APP: variants seen among roughly 807,000 people sequenced by gnomAD.
APP encodes amyloid-beta precursor protein.
In APP, 31 loss-of-function variants were observed where a neutral mutation model predicts 101.4. The observed-to-expected ratio is 0.31, with a 90% confidence interval of 0.23 to 0.41. APP has a LOEUF of 0.41. Ranked by LOEUF, APP falls within the 10% of genes least tolerant of loss-of-function variation. APP has a pLI of 1.00. For missense variants in APP, 839 were observed against 1,003.7 expected (o/e 0.84, Z 2.22); for synonymous variants, 366 against 364.4 (o/e 1.00, Z -0.05).
chr21:26,117,385 A>G (rs2062458387), intron 1 of APP, among the ~76,000 whole-genome samples: 2 of 152,268 alleles, frequency 1.3e-5, no homozygotes, highest in Admixed American at 1.3e-4. Flanking sequence ...TTTCAGGGGA[A>G]TAATTCATCT....
intron 13 of APP, among the ~76,000 whole-genome samples, chr21:25,914,900 G>C (rs1041776472): frequency 6.6e-6 from 1 of 152,108 alleles, no homozygotes; most frequent in African/African-American, 2.4e-5. Flanking sequence ...TCTATTGTTT[G>C]TTTATAAATT....
At chr21:25,989,900 T>C (rs2042790235) in intron 8 of APP, among the ~76,000 whole-genome samples, 1 of 146,766 alleles carries the variant, frequency 6.8e-6, no homozygotes, top group Non-Finnish European at 1.5e-5. Flanking sequence ...ATGCTTATTA[T>C]AACTTAAAAA....
intron 2 of APP, among the ~76,000 whole-genome samples, chr21:26,106,611 C>A (rs531196899): frequency 1.3e-5 from 2 of 152,238 alleles, no homozygotes; most frequent in African/African-American, 4.8e-5. Context: ...CAAAGCGCTG[C>A]GACTACAGGT....
chr21:26,115,431 CA>C (rs2146215713), intron 1 of APP, among the ~76,000 whole-genome samples: 1 of 152,296 alleles, frequency 6.6e-6, no homozygotes, highest in South Asian at 2.1e-4. Flanking sequence ...CATCTGCAAA[CA>C]ATTCCATGCT....
chr21:25,898,130 T>C (rs1218747845), intron 15 of APP: 2 of 184,464 alleles, frequency 1.1e-5, no homozygotes, highest in East Asian at 1.5e-4. Context: ...AACTGCTACT[T>C]TGGGGCTTTG....
chr21:26,153,725 A>G (rs2063323205), intron 1 of APP, among the ~76,000 whole-genome samples: 1 of 152,260 alleles, frequency 6.6e-6, no homozygotes, highest in Admixed American at 6.5e-5. Flanking sequence ...AACACAGGGC[A>G]TGCTTAACTT....
At chr21:26,064,605 G>T (rs1189494355) in intron 3 of APP, among the ~76,000 whole-genome samples, 2 of 152,054 alleles carry the variant, frequency 1.3e-5, no homozygotes, top group Non-Finnish European at 2.9e-5. Context: ...AGTGGTGGTG[G>T]GTTGGACAGA....
At chr21:26,146,082 C>T (rs144574380) in intron 1 of APP, among the ~76,000 whole-genome samples, 65 of 152,352 alleles carry the variant, frequency 4.3e-4, no homozygotes, top group African/African-American at 1.5e-3. Context: ...GTACCAGCTG[C>T]ATGCAGCGGC....
intron 13 of APP, among the ~76,000 whole-genome samples, chr21:25,918,332 G>A (rs1305102751): frequency 6.6e-6 from 1 of 152,210 alleles, no homozygotes; most frequent in African/African-American, 2.4e-5. Context: ...TATACACCAT[G>A]GAATACTATG....
At chr21:25,963,420 G>C (rs1375883653) in intron 11 of APP, among the ~76,000 whole-genome samples, 1 of 152,196 alleles carries the variant, frequency 6.6e-6, no homozygotes, top group African/African-American at 2.4e-5. Flanking sequence ...ATGGAAGGCA[G>C]TGAAGTGTCA....
chr21:25,886,316 C>G (rs1391228654), intron 17 of APP, among the ~76,000 whole-genome samples: 1 of 152,066 alleles, frequency 6.6e-6, no homozygotes, highest in African/African-American at 2.4e-5. Flanking sequence ...TTATATATAA[C>G]TAGAAGGCAG....
chr21:25,908,988 G>T lies in APP; in HGVS notation c.1909+2753C>A, dbSNP rs564893349. Among the ~76,000 whole-genome samples, 7 of 152,276 alleles carry T rather than the reference G, an allele frequency of 4.6e-5. No individual in the cohort carries two copies. The East Asian group carries it at 1.4e-3, about 29-fold the overall frequency. On this transcript the variant is annotated intron_variant, in intron 14 of 17. Coordinates refer to ENST00000346798, the MANE Select transcript of APP (RefSeq NM_000484.4). ...TTATTTAAAAACCAATTGGGGCCGG[G>T]CGCCGTGGCTCATGCCTGTAATCCC...
chr21:25,924,466 C>A (rs4817070), intron 13 of APP, among the ~76,000 whole-genome samples: 118,358 of 118,362 alleles, frequency 1, 59,177 homozygotes, highest in Middle Eastern at 1. Context: ...CTTTGCAGGG[C>A]CATGGATGAA....
chr21:26,099,213 G>C (rs1173504740), intron 2 of APP, among the ~76,000 whole-genome samples: 5 of 149,676 alleles, frequency 3.3e-5, no homozygotes, highest in African/African-American at 1.2e-4. Context: ...CATGACTGCA[G>C]CTAGCATATA....
rs1017311415 is a variant in APP at position 25,893,169 on chromosome 21, C to T, written c.2065-1301G>A. On this transcript the variant is annotated intron_variant, in intron 16 of 17. Transcript: ENST00000346798. Reference sequence around the variant, plus strand: ...TGTTTTGGAGTGTCATGAAACATGCCCATAAAGACAGCAAACTAAATCAAT... The same window carrying T: ...TGTTTTGGAGTGTCATGAAACATGCTCATAAAGACAGCAAACTAAATCAAT... Among the ~76,000 whole-genome samples the T allele has an allele frequency of 2.0e-5, 3 of 151,944 alleles. No individual in the cohort carries two copies. In the East Asian group the frequency reaches 5.8e-4, roughly 29 times the overall value.
intron 17 of APP, among the ~76,000 whole-genome samples, chr21:25,885,298 A>G (rs1171518209): frequency 6.6e-6 from 1 of 152,248 alleles, no homozygotes; most frequent in African/African-American, 2.4e-5. Flanking sequence ...CTCATGGCTA[A>G]GCTACAGCAG....
chr21:26,032,258 G>C (rs1302578678), intron 5 of APP, among the ~76,000 whole-genome samples: 1 of 152,062 alleles, frequency 6.6e-6, no homozygotes, highest in African/African-American at 2.4e-5. Context: ...TGAGAAATCT[G>C]TAGGGTCAAA....
At chr21:25,973,367 AGAGTAT>A in intron 11 of APP, among the ~76,000 whole-genome samples, 1 of 152,346 alleles carries the variant, frequency 6.6e-6, no homozygotes. Flanking sequence ...AAGGTCAATA[AGAGTAT>A]AAGGATGGAA....
At chr21:26,097,650 G>A (rs749775436) in intron 2 of APP, among the ~76,000 whole-genome samples, 3 of 152,184 alleles carry the variant, frequency 2.0e-5, no homozygotes, top group Non-Finnish European at 4.4e-5. Flanking sequence ...CATTTAGGAA[G>A]AGTGACAAGT....
Sources: allele counts gnomAD v4.1 joint callset (sites outside exome capture counted in the v4.1 genomes callset), GRCh38; gene constraint gnomAD v4.1.1; transcripts MANE v1.5; gene names NCBI Gene and HGNC (gene_info 2026-07-23, HGNC 2026-07-21).